ICA1: variants seen among roughly 807,000 people sequenced by gnomAD.
The protein encoded by ICA1 is 69 kDa islet cell autoantigen.
ICA1 carries 40 observed loss-of-function variants against 71.0 expected under a neutral mutation model. The ratio of observed to expected loss-of-function variants is 0.56; its 90% CI spans 0.44 to 0.73. The LOEUF (loss-of-function observed/expected upper bound fraction) is 0.73. Ranked by LOEUF, ICA1 falls within the 30% of genes least tolerant of loss-of-function variation. ICA1 has a pLI of 0.00. For synonymous variants in ICA1, 207 were observed against 209.5 expected (o/e 0.99, Z 0.10); for missense variants, 578 against 576.5 (o/e 1.00, Z -0.03).
rs75351703 is a variant in ICA1, at chr7:8,170,941, A to G, written c.580-12289T>C. On this transcript the variant is annotated intron_variant, in intron 6 of 13. Transcript: ENST00000402384. ...TTCACATATTTAAAGTGTACAATTA[A>G]ATCATTTTCAGTATATTCCCAGAGC... Among the ~76,000 whole-genome samples, 150 of 152,100 alleles carry G rather than the reference A, an allele frequency of 9.9e-4. 1 individual carries two copies. In the East Asian group the frequency reaches 0.026, roughly 27 times the overall value.
intron 1 of ICA1, among the ~76,000 whole-genome samples, chr7:8,246,371 G>C (rs982378517): frequency 2.6e-5 from 4 of 152,194 alleles, no homozygotes; most frequent in Non-Finnish European, 5.9e-5. Context: ...TTCTAATTTT[G>C]ATATAACAAC....
At chr7:8,156,850 A>G in intron 8 of ICA1, 1 of 1,500,310 alleles carries the variant, frequency 6.7e-7, no homozygotes, top group African/African-American at 1.4e-5. Context: ...ATCTCCCAGG[A>G]ACATGTATCT....
chr7:8,231,081 G>A (rs1800132677), intron 3 of ICA1, among the ~76,000 whole-genome samples: 1 of 152,138 alleles, frequency 6.6e-6, no homozygotes, highest in Non-Finnish European at 1.5e-5. Flanking sequence ...GAGCAGGGGT[G>A]GGGTAGGTGG....
intron 6 of ICA1, among the ~76,000 whole-genome samples, chr7:8,198,625 G>T (rs117462635): frequency 6.6e-6 from 1 of 152,208 alleles, no homozygotes; most frequent in Non-Finnish European, 1.5e-5. Context: ...AACAAGAGCC[G>T]AGATGACAGA....
chr7:8,152,414 G>A (rs73674885), intron 8 of ICA1, among the ~76,000 whole-genome samples: 5,172 of 151,940 alleles, frequency 0.034, 217 homozygotes, highest in African/African-American at 0.092. Flanking sequence ...CCAGCACTAT[G>A]TCATTACTGG....
At chr7:8,245,971 C>T (rs1319301955) in intron 1 of ICA1, among the ~76,000 whole-genome samples, 2 of 152,114 alleles carry the variant, frequency 1.3e-5, no homozygotes, top group Non-Finnish European at 2.9e-5. Flanking sequence ...AAATATTTTC[C>T]CTGTAAAATT....
chr7:8,184,008 T>C (rs10274732), intron 6 of ICA1, among the ~76,000 whole-genome samples: 4,026 of 152,326 alleles, frequency 0.026, 176 homozygotes, highest in African/African-American at 0.092. Flanking sequence ...CATGGTATAT[T>C]ATCACTAACA....
At chr7:8,255,498 G>C (rs796408869) in intron 1 of ICA1, among the ~76,000 whole-genome samples, 2 of 151,896 alleles carry the variant, frequency 1.3e-5, no homozygotes, top group African/African-American at 4.8e-5. Context: ...GCTCTCATTA[G>C]GTGATTTCTC....
intron 6 of ICA1, among the ~76,000 whole-genome samples, chr7:8,181,887 GTCT>G (rs1163697788): frequency 6.6e-6 from 1 of 152,140 alleles, no homozygotes; most frequent in Non-Finnish European, 1.5e-5. Flanking sequence ...GAGTGTTCCA[GTCT>G]TCTTACTTCC....
At chr7:8,152,742 ACCACCATCTCC>A (rs1799657737) in intron 8 of ICA1, among the ~76,000 whole-genome samples, 2 of 119,208 alleles carry the variant, frequency 1.7e-5, no homozygotes, top group Admixed American at 8.9e-5. Context: ...CACCACCACA[ACCACCATCTCC>A]TTCATCACCA....
intron 6 of ICA1, among the ~76,000 whole-genome samples, chr7:8,208,036 T>C (rs117747030): frequency 3.9e-5 from 6 of 152,324 alleles, no homozygotes; most frequent in Non-Finnish European, 8.8e-5. Context: ...ACAAAAATAA[T>C]TCAATCATTA....
At chr7:8,227,049 A>G (rs987466056) in intron 4 of ICA1, among the ~76,000 whole-genome samples, 5 of 152,158 alleles carry the variant, frequency 3.3e-5, no homozygotes, top group Admixed American at 3.3e-4. Flanking sequence ...CATGTGACTT[A>G]CTTAAAAAAA....
intron 6 of ICA1, among the ~76,000 whole-genome samples, chr7:8,174,100 G>A (rs1477191961): frequency 6.6e-6 from 1 of 152,110 alleles, no homozygotes; most frequent in East Asian, 1.9e-4. Flanking sequence ...AAACCATACC[G>A]ATCTCAGGGG....
At chr7:8,207,357 T>C (rs1791960244) in intron 6 of ICA1, among the ~76,000 whole-genome samples, 1 of 152,176 alleles carries the variant, frequency 6.6e-6, no homozygotes, top group Non-Finnish European at 1.5e-5. Flanking sequence ...GTCTGCTTCT[T>C]TTTAGGGCTC....
intron 3 of ICA1, among the ~76,000 whole-genome samples, chr7:8,230,246 A>G (rs1178422852): frequency 6.6e-6 from 1 of 152,348 alleles, no homozygotes; most frequent in East Asian, 1.9e-4. Flanking sequence ...GACAAATATT[A>G]AAACTCAGCG....
chr7:8,128,967 G>A (rs761590017), intron 12 of ICA1, among the ~76,000 whole-genome samples: 2 of 152,096 alleles, frequency 1.3e-5, no homozygotes, highest in Non-Finnish European at 2.9e-5. Flanking sequence ...CGGCCACCTC[G>A]GTGTTGTCAG....
chr7:8,119,764 T>C (rs1406531930), intron 13 of ICA1, among the ~76,000 whole-genome samples: 1 of 152,194 alleles, frequency 6.6e-6, no homozygotes, highest in African/African-American at 2.4e-5. Context: ...GAGATTCGCT[T>C]GAACCCGGGA....
chr7:8,154,899 G>C (rs896552301), intron 8 of ICA1, among the ~76,000 whole-genome samples: 10 of 152,110 alleles, frequency 6.6e-5, no homozygotes, highest in African/African-American at 2.2e-4. Flanking sequence ...TATCGTAACA[G>C]GATTCCATTA....
At chr7:8,203,187 G>T (rs1790315164) in intron 6 of ICA1, among the ~76,000 whole-genome samples, 1 of 152,168 alleles carries the variant, frequency 6.6e-6, no homozygotes, top group Non-Finnish European at 1.5e-5. Context: ...TAATTTTTGA[G>T]TGTCTGTGAT....
Sources: gnomAD v4.1 joint callset for allele counts (sites outside exome capture counted in the v4.1 genomes callset) on GRCh38, gnomAD v4.1.1 for gene constraint, MANE v1.5 for transcripts, NCBI Gene and HGNC (gene_info 2026-07-23, HGNC 2026-07-21) for gene names.